DOCK4: variants seen among roughly 807,000 people sequenced by gnomAD.
The protein encoded by DOCK4 is dedicator of cytokinesis 4, also known as dedicator of cytokinesis protein 4.
A neutral mutation model predicts 268.1 loss-of-function variants in DOCK4; 97 were observed. The observed-to-expected ratio is 0.36, with a 90% CI of 0.31 to 0.43. The LOEUF (loss-of-function observed/expected upper bound fraction) is 0.43. Among genes scored for constraint, DOCK4 ranks in the 20% least tolerant of loss-of-function variants. DOCK4 has a pLI of 1.00. For synonymous variants in DOCK4, 954 were observed against 887.2 expected (o/e 1.08, Z -1.34); for missense variants, 2,145 against 2,455.7 (o/e 0.87, Z 2.67).
chr7:111,935,936 A>C (rs758741030), intron 11 of DOCK4, among the ~76,000 whole-genome samples: 3 of 152,216 alleles, frequency 2.0e-5, no homozygotes, highest in Non-Finnish European at 4.4e-5. Context: ...GGCAGCCCCA[A>C]CTGAGTTCAA....
At chr7:112,105,926 A>T (rs1265022863) in intron 1 of DOCK4, among the ~76,000 whole-genome samples, 1 of 152,180 alleles carries the variant, frequency 6.6e-6, no homozygotes, top group Non-Finnish European at 1.5e-5. Context: ...CCTGGGCTCA[A>T]GCAATGCTCC....
Position 111,939,443 on chromosome 7 carries a change from A to G in DOCK4, c.977+667T>C, listed in dbSNP as rs182411075. ...GGCAGGAGAATGGCGTGAACCCGGG[A>G]GGCGGAGCTTGCAGTGAGCTGAGAT... On this transcript the variant is annotated intron_variant, in intron 11 of 52. Coordinates refer to ENST00000428084, the MANE Select transcript of DOCK4 (RefSeq NM_001363540.2). Among the ~76,000 whole-genome samples, 502 of 148,612 alleles carry G rather than the reference A, an allele frequency of 3.4e-3. 4 individuals carry two copies. Among genetic ancestry groups the G allele is most frequent in the African/African-American group, 0.012 (473 of 40,238 alleles).
At chr7:112,077,668 T>A (rs1443006102) in intron 1 of DOCK4, among the ~76,000 whole-genome samples, 1 of 152,130 alleles carries the variant, frequency 6.6e-6, no homozygotes, top group Non-Finnish European at 1.5e-5. Flanking sequence ...TATTAATATG[T>A]GCGTGTGTGT....
intron 17 of DOCK4, among the ~76,000 whole-genome samples, chr7:111,875,554 T>C (rs1806784581): frequency 6.6e-6 from 1 of 152,188 alleles, no homozygotes; most frequent in Non-Finnish European, 1.5e-5. Flanking sequence ...TTAAAGATCT[T>C]AAAATAGGGA....
At chr7:111,804,356 T>C (rs952222356) in intron 30 of DOCK4, among the ~76,000 whole-genome samples, 32 of 152,220 alleles carry the variant, frequency 2.1e-4, no homozygotes, top group Admixed American at 1.3e-4. Flanking sequence ...TTCTGTATGA[T>C]TCCACTTACG....
chr7:112,080,347 C>T (rs762634439), intron 1 of DOCK4, among the ~76,000 whole-genome samples: 2 of 152,218 alleles, frequency 1.3e-5, no homozygotes, highest in East Asian at 1.9e-4. Context: ...AATTTATTCG[C>T]TAACTTTAGC....
chr7:111,983,849 C>CGT lies in DOCK4; in HGVS notation c.549+456_549+457insAC, dbSNP rs760744011. Among the ~76,000 whole-genome samples, 477 of 77,036 alleles carry CGT rather than the reference C, an allele frequency of 6.2e-3. 4 individuals carry two copies. Among genetic ancestry groups the CGT allele is most frequent in the South Asian group, 0.02 (39 of 1,948 alleles). 50.5% of individuals were successfully genotyped at this position (77,036 alleles called of 152,430 possible). On this transcript the variant is annotated intron_variant, in intron 7 of 52. Coordinates refer to ENST00000428084, the MANE Select transcript of DOCK4 (RefSeq NM_001363540.2). ...TATTATGTATGTACACACACACGCG[C>CGT]GCGCGCGCGCGCGCACACACACACA...
At position 111,765,151 on chromosome 7, in the gene DOCK4, T is replaced by C. The variant is rs781291477; in HGVS notation, c.3987A>G (p.Gly1329=). Residue 1329 remains glycine, a synonymous_variant, in exon 39 of 53, where the codon GGA becomes GGG. Coordinates refer to ENST00000428084, the MANE Select transcript of DOCK4 (RefSeq NM_001363540.2). ...QRLEPEFFRV[G]FYGKKFPFFL... Reference sequence around the variant, plus strand: ...AAAATGGAAATTTTTTTCCATAAAATCCAACTCTGAAGAACTCTGGTTCAA... The same window carrying C: ...AAAATGGAAATTTTTTTCCATAAAACCCAACTCTGAAGAACTCTGGTTCAA... The C allele has an allele frequency of 7.1e-6, 11 of 1,541,042 alleles. No homozygotes were observed. The South Asian group carries it at 1.4e-4, about 20-fold the overall frequency.
At chr7:111,762,826 G>A (rs1447189554) in intron 39 of DOCK4, among the ~76,000 whole-genome samples, 1 of 126,540 alleles carries the variant, frequency 7.9e-6, no homozygotes, top group African/African-American at 3.0e-5. Flanking sequence ...GGAGTGCAGT[G>A]GCTCAATCAC....
intron 1 of DOCK4, among the ~76,000 whole-genome samples, chr7:112,194,773 C>T (rs146853202): frequency 2.5e-4 from 38 of 152,268 alleles, no homozygotes; most frequent in African/African-American, 8.9e-4. Context: ...AAGAACATTA[C>T]AGGTAATGTG....
intron 30 of DOCK4, among the ~76,000 whole-genome samples, chr7:111,795,736 A>G (rs886397227): frequency 1.3e-5 from 2 of 152,154 alleles, no homozygotes; most frequent in Non-Finnish European, 2.9e-5. Context: ...GGCCCTCTGA[A>G]CAGGGTCCTG....
intron 27 of DOCK4, among the ~76,000 whole-genome samples, chr7:111,818,125 C>T (rs1801695446): frequency 6.6e-6 from 1 of 152,182 alleles, no homozygotes; most frequent in Non-Finnish European, 1.5e-5. Context: ...GATACCTCTC[C>T]ACTTCCTGAC....
At chr7:111,783,264 T>C (rs541933431) in intron 34 of DOCK4, among the ~76,000 whole-genome samples, 14 of 152,252 alleles carry the variant, frequency 9.2e-5, no homozygotes, top group African/African-American at 2.9e-4. Context: ...CTTCCTACAG[T>C]AGGGTGAGAA....
Position 111,758,694 on chromosome 7 carries a change from T to C in DOCK4, c.4259A>G (p.Asn1420Ser). 6.2e-7 allele frequency: 1 copy of C among 1,614,028 alleles called. No homozygotes were observed. Among genetic ancestry groups the C allele is most frequent in the Admixed American group, 1.7e-5 (1 of 60,028 alleles). ...PDNIKSFYKV[N>S]HIWKFRYDRP... ...GTCATAGCGGAATTTCCAGATGTGA[T>C]TCACTTTATAGAAGCTTTTGATGTT... The change falls in exon 41 of 53, where the codon AAT becomes AGT. Residue 1420 changes from asparagine to serine, a missense_variant. Physicochemically the swap from Asn to Ser is conservative, Grantham distance 46. This residue lies in a region of DOCK4 where 1,598 missense variants were observed against 1,986.7 expected (regional missense o/e 0.80). Coordinates refer to ENST00000428084, the MANE Select transcript of DOCK4 (RefSeq NM_001363540.2).
chr7:112,072,445 A>G (rs562728832), intron 1 of DOCK4, among the ~76,000 whole-genome samples: 16 of 152,328 alleles, frequency 1.1e-4, no homozygotes, highest in African/African-American at 3.8e-4. Flanking sequence ...TGCAGACAAA[A>G]GGGAATCCTT....
intron 39 of DOCK4, 46 bp from the exon 40 acceptor site, chr7:111,760,368 G>T (rs1484735381): frequency 1.3e-6 from 2 of 1,576,194 alleles, no homozygotes; most frequent in African/African-American, 2.7e-5. Context: ...TAACTGAGTG[G>T]ATTACAGACA....
intron 13 of DOCK4, among the ~76,000 whole-genome samples, chr7:111,908,139 T>C (rs1586333824): frequency 6.6e-6 from 1 of 152,102 alleles, no homozygotes; most frequent in African/African-American, 2.4e-5. Context: ...TATTTCTCTA[T>C]CAGTACATAG....
chr7:112,080,464 T>C (rs1367487018), intron 1 of DOCK4, among the ~76,000 whole-genome samples: 1 of 152,226 alleles, frequency 6.6e-6, no homozygotes, highest in East Asian at 1.9e-4. Context: ...ATTTCTTGCA[T>C]TGATAGAGAA....
At chr7:112,089,762 G>GT (rs1809456078) in intron 1 of DOCK4, among the ~76,000 whole-genome samples, 1 of 152,126 alleles carries the variant, frequency 6.6e-6, no homozygotes, top group African/African-American at 2.4e-5. Context: ...CTCCAGCAAT[G>GT]TAAGTCGTGC....
Sources: allele counts gnomAD v4.1 joint callset (sites outside exome capture counted in the v4.1 genomes callset), GRCh38; gene constraint gnomAD v4.1.1; regional missense constraint gnomAD v4.1.1; transcripts MANE v1.5; gene names NCBI Gene and HGNC (gene_info 2026-07-23, HGNC 2026-07-21).